The following HS6ST2 variants were observed in gnomAD, a reference collection of about 807,000 sequenced individuals.
The protein encoded by HS6ST2 is heparan-sulfate 6-O-sulfotransferase 2.
Under a neutral mutation model 33.0 loss-of-function variants are expected in HS6ST2, and 17 were observed. The observed-to-expected ratio is 0.52, with a 90% CI of 0.35 to 0.77. HS6ST2 has a LOEUF of 0.77. HS6ST2 is among the 30% of genes least tolerant of loss of function. The pLI, the probability that HS6ST2 is intolerant of heterozygous loss-of-function variation, is 0.01. For synonymous variants in HS6ST2, 248 were observed against 237.1 expected (o/e 1.05, Z -0.42); for missense variants, 519 against 551.7 (o/e 0.94, Z 0.59).
At chrX:132,658,215 G>T (rs1045467354) in intron 4 of HS6ST2, among the ~76,000 whole-genome samples, 4 of 111,496 alleles carry the variant, frequency 3.6e-5, no homozygotes, top group African/African-American at 1.3e-4. Flanking sequence ...CAATATTTGG[G>T]TATGGGCAAC....
intron 2 of HS6ST2, among the ~76,000 whole-genome samples, chrX:132,800,099 C>A (rs1434251659): frequency 8.9e-6 from 1 of 112,048 alleles, no homozygotes; most frequent in African/African-American, 3.2e-5. Flanking sequence ...GACCGGGTCA[C>A]ACAGCAGGAG....
chrX:132,634,925 C>G (rs1444040066), intron 4 of HS6ST2, among the ~76,000 whole-genome samples: 1 of 111,498 alleles, frequency 9.0e-6, no homozygotes, highest in Non-Finnish European at 1.9e-5. Context: ...CTCATTCACC[C>G]AGGCAGCTTT....
chrX:132,858,957 C>T (rs889760908), intron 2 of HS6ST2, among the ~76,000 whole-genome samples: 4 of 112,285 alleles, frequency 3.6e-5, no homozygotes, highest in African/African-American at 1.3e-4. Context: ...CATTTCAGCT[C>T]CCATTCATTT....
At chrX:132,814,792 C>T (rs1256003083) in intron 2 of HS6ST2, among the ~76,000 whole-genome samples, 1 of 112,030 alleles carries the variant, frequency 8.9e-6, no homozygotes, top group Non-Finnish European at 1.9e-5. Flanking sequence ...AAACCCTATG[C>T]GATGAACACA....
chrX:132,883,384 C>T (rs890621302), intron 2 of HS6ST2, among the ~76,000 whole-genome samples: 4 of 111,180 alleles, frequency 3.6e-5, no homozygotes, highest in Non-Finnish European at 7.5e-5. Flanking sequence ...AGAATTTATC[C>T]ATTTCTTCTA....
chrX:132,745,811 C>T (rs1248937071), intron 2 of HS6ST2, among the ~76,000 whole-genome samples: 1 of 111,885 alleles, frequency 8.9e-6, no homozygotes, highest in African/African-American at 3.2e-5. Context: ...AGAGTGTTTC[C>T]AAGGCTGACC....
chrX:132,896,734 A>G (rs1381138456), intron 2 of HS6ST2, among the ~76,000 whole-genome samples: 1 of 111,867 alleles, frequency 8.9e-6, no homozygotes, highest in African/African-American at 3.2e-5. Context: ...ATTAAAAATT[A>G]AACAGTGGAA....
In HS6ST2 at chrX:132,793,254, T is replaced by C. The variant is rs187981435; in HGVS notation, c.948-84760A>G. Among the ~76,000 whole-genome samples, 9 of 107,708 alleles carry C rather than the reference T, an allele frequency of 8.4e-5. No individual in the cohort carries two copies. In the East Asian group the frequency reaches 2.6e-3, roughly 32 times the overall value. 93.5% of individuals were successfully genotyped at this position (107,708 alleles called of 115,157 possible). A position where few individuals can be genotyped will look rare whatever the true frequency, so the allele number is the denominator to read the frequency against. ...TTTTGTATTTTTAGTAGAGATGGGG[T>C]TTCACCATGTTGGTCAGACTGGTCT... On this transcript the variant is annotated intron_variant, in intron 2 of 4. Transcript: ENST00000370833.
chrX:132,801,529 G>A (rs922933465), intron 2 of HS6ST2, among the ~76,000 whole-genome samples: 1 of 111,640 alleles, frequency 9.0e-6, no homozygotes, highest in Non-Finnish European at 1.9e-5. Flanking sequence ...ATTACACAGT[G>A]AGCTTCCTAA....
intron 2 of HS6ST2, among the ~76,000 whole-genome samples, chrX:132,875,702 T>C (rs2066103525): frequency 8.9e-6 from 1 of 112,249 alleles, no homozygotes; most frequent in East Asian, 2.8e-4. Context: ...CCTTAGCTGA[T>C]AGAAATGGGG....
intron 2 of HS6ST2, among the ~76,000 whole-genome samples, chrX:132,743,252 G>T (rs182914330): frequency 8.9e-6 from 1 of 112,477 alleles, no homozygotes; most frequent in East Asian, 2.8e-4. Flanking sequence ...TGGTTTCACA[G>T]CAGGCCTTAC....
intron 2 of HS6ST2, among the ~76,000 whole-genome samples, chrX:132,880,237 GT>G (rs1181823087): frequency 5.4e-5 from 6 of 111,105 alleles, no homozygotes; most frequent in African/African-American, 2.0e-4. Flanking sequence ...ATAAATACTG[GT>G]AAAAAAGTTC....
chrX:132,711,417 C>A (rs1258693215), intron 2 of HS6ST2, among the ~76,000 whole-genome samples: 1 of 111,631 alleles, frequency 9.0e-6, no homozygotes, highest in Admixed American at 9.5e-5. Flanking sequence ...GACTGAGAAT[C>A]AGGATCCCTG....
chrX:132,942,125 C>G (rs1486288768), intron 2 of HS6ST2, among the ~76,000 whole-genome samples: 1 of 111,442 alleles, frequency 9.0e-6, no homozygotes, highest in Non-Finnish European at 1.9e-5. Context: ...CTATTATACT[C>G]TTAGAACATA....
intron 2 of HS6ST2, among the ~76,000 whole-genome samples, chrX:132,899,156 T>G (rs777808696): frequency 3.6e-5 from 4 of 111,789 alleles, no homozygotes; most frequent in Non-Finnish European, 7.5e-5. Context: ...ATTAACTGCA[T>G]GCTGGTTCAA....
rs767469897 is a variant in HS6ST2 at position 132,854,680 on chromosome X, G to A, written c.947+102128C>T. Among the ~76,000 whole-genome samples the A allele has an allele frequency of 8.9e-5, 10 of 112,347 alleles. No individual in the cohort carries two copies. In the South Asian group the frequency reaches 3.7e-3, roughly 42 times the overall value. On this transcript the variant is annotated intron_variant, in intron 2 of 4. Coordinates refer to ENST00000370833, the MANE Select transcript of HS6ST2 (RefSeq NM_001394073.1). ...AAGGAACCTTCTGCTTTTAAAAACT[G>A]CAGTAAGACTATTTCTTTTACATTA... is the stretch of plus-strand genomic sequence containing the variant.
intron 2 of HS6ST2, among the ~76,000 whole-genome samples, chrX:132,784,206 T>C (rs1190395156): frequency 8.9e-6 from 1 of 112,150 alleles, no homozygotes; most frequent in African/African-American, 3.2e-5. Context: ...ATGAGTCATC[T>C]GACAAGCCTT....
At chrX:132,688,537 G>A (rs765371924) in intron 3 of HS6ST2, among the ~76,000 whole-genome samples, 3 of 111,068 alleles carry the variant, frequency 2.7e-5, no homozygotes, top group African/African-American at 9.8e-5. Context: ...TCTTTGCATG[G>A]TGGCAGCAAG....
intron 3 of HS6ST2, among the ~76,000 whole-genome samples, chrX:132,705,186 CGCGTGTGTGTGT>C (rs1351172623): frequency 2.5e-5 from 2 of 81,336 alleles, no homozygotes; most frequent in African/African-American, 8.2e-5. Flanking sequence ...GATGTGGGCA[CGCGTGTGTGTGT>C]GTGTGTGTGT....
Sources: allele counts gnomAD v4.1 joint callset (sites outside exome capture counted in the v4.1 genomes callset), GRCh38; gene constraint gnomAD v4.1.1; transcripts MANE v1.5; gene names NCBI Gene and HGNC (gene_info 2026-07-23, HGNC 2026-07-21).